The following ANKRD24 variants were observed in gnomAD, a reference collection of about 807,000 sequenced individuals.
ANKRD24 encodes the protein ankyrin repeat domain 24, also known as ankyrin repeat domain-containing protein 24.
In ANKRD24, 109 loss-of-function variants were observed where a neutral mutation model predicts 127.8. That is an observed-to-expected ratio of 0.85 (90% confidence interval 0.73 to 1.00). ANKRD24 has a LOEUF of 1.00. Among genes scored for constraint, ANKRD24 ranks in the 50% least tolerant of loss-of-function variants. ANKRD24 has a pLI of 0.00. For synonymous variants in ANKRD24, 743 were observed against 671.1 expected, an observed-to-expected ratio of 1.11 and a Z score of -1.66; for missense variants, 1,648 against 1,570.2, an observed-to-expected ratio of 1.05 and a Z score of -0.84.
Position 4,199,502 on chromosome 19 carries a change from A to G in ANKRD24, c.37-181A>G, listed in dbSNP as rs572480178. The G allele has an allele frequency of 1.0e-6, 1 of 985,432 alleles. No homozygotes were observed. The highest frequency in any genetic ancestry group is 1.1e-4 in the East Asian group (1 of 8,810). 61.0% of individuals were successfully genotyped at this position (985,432 alleles called of 1,614,324 possible). ...GCTGGGACTACAGGCGTGAGCCTCCATGCTCAGCCCAGGGGACAACGTTTT... is the reference window on the plus strand; with the variant it reads ...GCTGGGACTACAGGCGTGAGCCTCCGTGCTCAGCCCAGGGGACAACGTTTT... On this transcript the variant is annotated intron_variant, in intron 2 of 21. Transcript: ENST00000318934. This position sits in a 1 kb window ranked among gnomAD's most constrained non-coding sequence, Gnocchi z 5.2.
intron 5 of ANKRD24, 131 bp from the exon 6 acceptor site, chr19:4,201,895 G>T (rs1024358711): frequency 4.0e-6 from 3 of 755,196 alleles, no homozygotes; most frequent in Non-Finnish European, 6.9e-6. Context: ...AGGGAAAAAA[G>T]GAGAGAAATA....
chr19:4,191,511 C>G (rs1257481112), intron 2 of ANKRD24, among the ~76,000 whole-genome samples: 1 of 151,956 alleles, frequency 6.6e-6, no homozygotes, highest in African/African-American at 2.4e-5. Flanking sequence ...GGGACAGAGT[C>G]TCGCTGTGTT....
At chr19:4,211,079 C>T (rs975953345) in intron 13 of ANKRD24, among the ~76,000 whole-genome samples, 12 of 151,906 alleles carry the variant, frequency 7.9e-5, no homozygotes, top group Admixed American at 1.3e-4. Flanking sequence ...GTGATCCTCC[C>T]GCCGCGGCCT....
intron 19 of ANKRD24, among the ~76,000 whole-genome samples, chr19:4,220,539 A>G (rs999483541): frequency 6.6e-6 from 1 of 151,818 alleles, no homozygotes; most frequent in African/African-American, 2.4e-5. Flanking sequence ...TTTTTCACAC[A>G]TTACCTTTTT....
intron 2 of ANKRD24, among the ~76,000 whole-genome samples, chr19:4,193,292 T>TC (rs1220885528): frequency 3.6e-5 from 1 of 27,734 alleles, no homozygotes; most frequent in Non-Finnish European, 6.6e-5. Flanking sequence ...ATAGAGCGAC[T>TC]CCATCAAAAA....
Position 4,217,702 on chromosome 19 carries a change from C to T in ANKRD24, c.2542C>T (p.Arg848Trp), listed in dbSNP as rs1259135930. The T allele has an allele frequency of 3.2e-5, 41 of 1,290,592 alleles. No individual in the cohort carries two copies. In the Admixed American group the frequency reaches 1.6e-3, roughly 49 times the overall value. The allele number at this position is 1,290,592 out of a possible 1,614,324, so 79.9% of individuals were successfully genotyped here. The change falls in exon 18 of 22, where the codon CGG becomes TGG. Residue 848 changes from arginine (R) to tryptophan (W), a missense_variant. By Grantham distance (101) the Arg-to-Trp change is moderately radical. Transcript: ENST00000318934. The stretch of plus-strand genomic sequence containing the variant: ...GGAGGAGGCGCGGCTGGAGCAGAGC[C>T]GGGAGCTGGAGGTTCTGCGGGAGCA... ...QREEARLEQSRELEVLREQLA... is the reference protein window; with the variant it reads ...QREEARLEQSWELEVLREQLA...
intron 1 of ANKRD24, among the ~76,000 whole-genome samples, chr19:4,183,750 C>T (rs2145196701): frequency 6.6e-6 from 1 of 152,092 alleles, no homozygotes; most frequent in South Asian, 2.1e-4. Flanking sequence ...CCCGTCTCTA[C>T]TAAAAATACA....
intron 2 of ANKRD24, among the ~76,000 whole-genome samples, chr19:4,197,085 C>T (rs777532242): frequency 7.2e-5 from 11 of 152,084 alleles, no homozygotes; most frequent in East Asian, 5.8e-4. Context: ...GGCATCCTCC[C>T]GGTAACCCTC....
rs766879992 is a variant in ANKRD24, at chr19:4,217,915, C to T, written c.2755C>T (p.His919Tyr). ...LRQSVVPASE[H>Y]RRLQEEALEL... ...CCAGTCCGTGGTGCCGGCCTCTGAG[C>T]ACCGCCGGCTGCAGGAGGAGGCCCT... Residue 919 changes from histidine (H) to tyrosine (Y), a missense_variant, in exon 18 of 22, where the codon CAC (histidine) becomes TAC (tyrosine). Coordinates refer to ENST00000318934, the MANE Select transcript of ANKRD24 (RefSeq NM_001393985.1). 1.3e-6 allele frequency: 2 copies of T among 1,489,094 alleles called. No homozygotes were observed. Among genetic ancestry groups the T allele is most frequent in the East Asian group, 2.7e-5 (1 of 36,384 alleles). 92.2% of individuals were successfully genotyped at this position (1,489,094 alleles called of 1,614,324 possible).
intron 2 of ANKRD24, among the ~76,000 whole-genome samples, chr19:4,193,507 G>T (rs1418641347): frequency 6.6e-6 from 1 of 150,466 alleles, no homozygotes; most frequent in East Asian, 2.0e-4. Flanking sequence ...CAAGAAGGAG[G>T]CTACTATGGC....
chr19:4,203,295 C>T (rs533921783), intron 7 of ANKRD24, among the ~76,000 whole-genome samples: 13 of 152,180 alleles, frequency 8.5e-5, no homozygotes, highest in Admixed American at 1.3e-4. Flanking sequence ...GTGATCCACC[C>T]GCCTTGGCCT....
chr19:4,209,931 GGGCT>G, intron 11 of ANKRD24, 123 bp from the exon 12 acceptor site: 2 of 539,476 alleles, frequency 3.7e-6, no homozygotes, highest in Non-Finnish European at 6.6e-6. Context: ...CAGGAGGCAG[GGGCT>G]GCTGGTTCCA....
intron 13 of ANKRD24, among the ~76,000 whole-genome samples, chr19:4,210,845 G>GT (rs1285514651): frequency 1.9e-5 from 2 of 107,920 alleles, no homozygotes; most frequent in Non-Finnish European, 3.8e-5. Flanking sequence ...GTTTTGTTTT[G>GT]TTTTTGAGAC....
Position 4,224,421 on chromosome 19 carries a change from A to G in ANKRD24, c.3364-7A>G, listed in dbSNP as rs372984726. On this transcript the variant is annotated splice_region_variant and splice_polypyrimidine_tract_variant and intron_variant, in intron 21 of 21. Transcript: ENST00000318934. ...CTCAGGGTCTTCCTCTACTCCCCCA[A>G]CCCTAGGGCCAGATGGATGAAGATG... 6.2e-7 allele frequency: 1 copy of G among 1,612,782 alleles called. No homozygotes were observed. The highest frequency in any genetic ancestry group is 1.1e-5 in the South Asian group (1 of 90,810).
intron 7 of ANKRD24, among the ~76,000 whole-genome samples, chr19:4,203,915 T>G (rs1002826465): frequency 5.4e-4 from 81 of 150,106 alleles, no homozygotes; most frequent in African/African-American, 1.9e-3. Flanking sequence ...CCTCCCAAAG[T>G]GCTGGGATTA....
chr19:4,223,822 C>A (rs1970594646), intron 20 of ANKRD24, among the ~76,000 whole-genome samples: 1 of 151,954 alleles, frequency 6.6e-6, no homozygotes, highest in African/African-American at 2.4e-5. Flanking sequence ...CCTTGGCCTC[C>A]CAAAGTGCTG....
chr19:4,223,678 C>A (rs962930884), intron 20 of ANKRD24, among the ~76,000 whole-genome samples: 1 of 152,054 alleles, frequency 6.6e-6, no homozygotes, highest in African/African-American at 2.4e-5. Context: ...GATTCTCCTG[C>A]CTTAGCCTCC....
rs1441492633 is a variant in ANKRD24, at chr19:4,217,228, A to G, written c.2068A>G (p.Thr690Ala). 1 of 1,599,498 alleles carries G rather than the reference A, an allele frequency of 6.3e-7. No homozygotes were observed. Among genetic ancestry groups the G allele is most frequent in the Non-Finnish European group, 8.5e-7 (1 of 1,172,794 alleles). Residue 690 changes from threonine to alanine, a missense_variant, in exon 18 of 22, where the codon ACA becomes GCA. Thr to Ala is a moderately conservative substitution (Grantham distance 58, BLOSUM62 0). Transcript: ENST00000318934. Reference protein sequence around the residue: ...TGMESTGVSATGVENPGVEAT... With the variant: ...TGMESTGVSAAGVENPGVEAT... ...GATGGAATCCACAGGAGTCAGTGCC[A>G]CAGGTGTGGAGAACCCAGGGGTAGA...
intron 18 of ANKRD24, among the ~76,000 whole-genome samples, chr19:4,218,783 C>G (rs1970284329): frequency 1.6e-5 from 2 of 124,536 alleles, no homozygotes; most frequent in South Asian, 5.6e-4. Context: ...CAGGGTGTGG[C>G]TCTGTCTGAA....
Sources: gnomAD v4.1 joint callset for allele counts (sites outside exome capture counted in the v4.1 genomes callset) on GRCh38, gnomAD v4.1.1 for gene constraint, Gnocchi (gnomAD v3.1) non-coding constraint, MANE v1.5 for transcripts, NCBI Gene and HGNC (gene_info 2026-07-23, HGNC 2026-07-21) for gene names.